The following RNASEH1 variants were observed in gnomAD, a reference collection of about 807,000 sequenced individuals.
RNASEH1 encodes ribonuclease H1.
A neutral mutation model predicts 34.6 loss-of-function variants in RNASEH1; 27 were observed. The ratio of observed to expected loss-of-function variants is 0.78; its 90% CI spans 0.58 to 1.08. The LOEUF (loss-of-function observed/expected upper bound fraction) is 1.08. Ranked by LOEUF, RNASEH1 falls within the 50% of genes least tolerant of loss-of-function variation. RNASEH1 has a pLI of 0.00. For synonymous variants in RNASEH1, 162 were observed against 138.4 expected, an observed-to-expected ratio of 1.17 and a Z score of -1.20; for missense variants, 349 against 373.6, an observed-to-expected ratio of 0.93 and a Z score of 0.54.
At chr2:3,537,658 C>T (rs538081005), downstream of RNASEH1, among the ~76,000 whole-genome samples, 2 of 151,552 alleles carry the variant, frequency 1.3e-5, no homozygotes, top group South Asian at 4.2e-4. Flanking sequence ...GAGGTGGAGG[C>T]TGCAGTAAGC....
chr2:3,543,247 C>G lies in RNASEH1; in HGVS notation c.*2538G>C, dbSNP rs1668446134. Among the ~76,000 whole-genome samples the G allele has an allele frequency of 6.6e-6, 1 of 152,178 alleles. No homozygotes were observed. The highest frequency in any genetic ancestry group is 2.4e-5 in the African/African-American group (1 of 41,446). On this transcript the variant is annotated 3_prime_UTR_variant, in exon 8 of 8. Coordinates refer to ENST00000315212, the MANE Select transcript of RNASEH1 (RefSeq NM_002936.6). ...CCCTTCCTGTGGCTATAAATAAATA[C>G]AGCCTGCACACAACGCACAGGAGAA...
Position 3,552,317 on chromosome 2 carries a change from CAA to C in RNASEH1, c.245-11_245-10del, listed in dbSNP as rs373975070. 548 of 1,612,134 alleles carry C rather than the reference CAA, an allele frequency of 3.4e-4. No individual in the cohort carries two copies. Among genetic ancestry groups the C allele is most frequent in the Non-Finnish European group, 4.1e-4 (483 of 1,179,398 alleles). On this transcript the variant is annotated splice_polypyrimidine_tract_variant and intron_variant, in intron 2 of 7. Transcript: ENST00000315212. Reference sequence around the variant, plus strand: ...ATGTTGATTTTCATGCCCTGAAAGACAAGAGTCCACTCGTGAGCTGGAAACAA... The same window carrying C: ...ATGTTGATTTTCATGCCCTGAAAGACGAGTCCACTCGTGAGCTGGAAACAA...
chr2:3,548,618 G>A (rs1453789050), intron 6 of RNASEH1, 22 bp downstream of exon 6: 1 of 1,500,632 alleles, frequency 6.7e-7, no homozygotes. Flanking sequence ...AAAAACAGAA[G>A]AAATCAAATG....
intron 7 of RNASEH1, among the ~76,000 whole-genome samples, chr2:3,547,552 A>C (rs146108074): frequency 0.19 from 28,628 of 150,144 alleles, 2,909 homozygotes; most frequent in African/African-American, 0.27. Context: ...CAGTGGCGCG[A>C]TCTCAGCTCA....
Position 3,543,450 on chromosome 2 carries a change from C to A in RNASEH1, c.*2335G>T, listed in dbSNP as rs115168476. Among the ~76,000 whole-genome samples, 1 of 151,964 alleles carries A rather than the reference C, an allele frequency of 6.6e-6. No individual in the cohort carries two copies. Among genetic ancestry groups the A allele is most frequent in the Non-Finnish European group, 1.5e-5 (1 of 67,992 alleles). On this transcript the variant is annotated 3_prime_UTR_variant, in exon 8 of 8. Coordinates refer to ENST00000315212, the MANE Select transcript of RNASEH1 (RefSeq NM_002936.6). ...CTGCAGGGAGCTATCAATGACTGTG[C>A]GTGTGGTCTGTGCACACATGTATGC...
chr2:3,555,998 C>T (rs1660455795), intron 2 of RNASEH1, among the ~76,000 whole-genome samples: 1 of 151,792 alleles, frequency 6.6e-6, no homozygotes, highest in Admixed American at 6.6e-5. Flanking sequence ...TGGTGAAATC[C>T]CATCTCTACT....
Position 3,558,163 on chromosome 2 carries a change from C to T in RNASEH1, c.98G>A (p.Arg33Lys), listed in dbSNP as rs1185964762. ...CAGAAAGACCCCGGTCTTGCGGCCC[C>T]TCCTCACGGCATAGAACATCCCGAA... The part of the protein sequence containing the change: ...RGFGMFYAVR[R>K]GRKTGVFLTW... The change falls in exon 1 of 8, where the codon AGG becomes AAG. Residue 33 changes from arginine to lysine, a missense_variant. Arg to Lys is a conservative substitution (Grantham distance 26). Transcript: ENST00000315212. 1.2e-6 allele frequency: 2 copies of T among 1,603,452 alleles called. No individual in the cohort carries two copies. The highest frequency in any genetic ancestry group is 1.7e-5 in the Admixed American group (1 of 58,728).
At chr2:3,558,059 C>A in intron 1 of RNASEH1, 74 bp downstream of exon 1, 2 of 1,491,972 alleles carry the variant, frequency 1.3e-6, no homozygotes, top group Non-Finnish European at 8.9e-7. Flanking sequence ...CTCCCGCCGC[C>A]GGGGTTAGCC....
At chr2:3,553,215 T>C (rs1252158851) in intron 2 of RNASEH1, among the ~76,000 whole-genome samples, 1 of 149,310 alleles carries the variant, frequency 6.7e-6, no homozygotes, top group Non-Finnish European at 1.5e-5. Context: ...GCCACTGCAC[T>C]CCAGCCTGGG....
intron 4 of RNASEH1, among the ~76,000 whole-genome samples, chr2:3,549,389 G>A (rs925855421): frequency 2.6e-5 from 4 of 152,130 alleles, no homozygotes; most frequent in Admixed American, 1.3e-4. Context: ...AAGAATCCCA[G>A]GAGAAAACTC....
chr2:3,540,447 T>G (rs1668234600), downstream of RNASEH1, among the ~76,000 whole-genome samples: 1 of 152,180 alleles, frequency 6.6e-6, no homozygotes, highest in Non-Finnish European at 1.5e-5. Context: ...CTCACTCTAT[T>G]GCCCAGGCTG....
intron 7 of RNASEH1, among the ~76,000 whole-genome samples, chr2:3,546,507 T>G (rs1211202886): frequency 2.0e-5 from 3 of 152,218 alleles, no homozygotes; most frequent in Non-Finnish European, 4.4e-5. Flanking sequence ...CAAAATACAC[T>G]GATAGTTTTA....
downstream of RNASEH1, among the ~76,000 whole-genome samples, chr2:3,538,794 G>A (rs1225873352): frequency 6.6e-6 from 1 of 152,176 alleles, no homozygotes; most frequent in Non-Finnish European, 1.5e-5. Flanking sequence ...GTAATTCTGA[G>A]AGTGGGCCAC....
At chr2:3,550,057 C>T (rs1351678658) in intron 4 of RNASEH1, 8 of 262,916 alleles carry the variant, frequency 3.0e-5, no homozygotes, top group South Asian at 2.5e-4. Flanking sequence ...GTGGGAGGAT[C>T]GCTTGAGCCC....
chr2:3,550,035 T>TGGGAGGCCAAGGTGGGAGGATCGC (rs1189097164), intron 4 of RNASEH1: 1 of 247,478 alleles, frequency 4.0e-6, no homozygotes, highest in Non-Finnish European at 7.9e-6. Flanking sequence ...CCCAACAGTT[T>TGGGAGGCCAAGGTGGGAGGATCGC]GGGAGGCCAA....
At chr2:3,540,229 A>G (rs1250363237), downstream of RNASEH1, among the ~76,000 whole-genome samples, 1 of 152,210 alleles carries the variant, frequency 6.6e-6, no homozygotes, top group African/African-American at 2.4e-5. Context: ...TGAAGATGCA[A>G]TTATATATCA....
Position 3,550,456 on chromosome 2 carries a change from G to A in RNASEH1, c.426C>T (p.Val142=), listed in dbSNP as rs762903646. The change falls in exon 4 of 8, where the codon GTC becomes GTT. Residue 142 remains valine, a synonymous_variant. Transcript: ENST00000315212. ...TFSYMGDFVV[V]YTDGCCSSNG... is the part of the protein sequence containing the mutation. ...TACTGGAGCAGCAGCCATCAGTGTAGACGACGACGAAGTCTCCTGTGGGAA... is the reference window on the plus strand; with the variant it reads ...TACTGGAGCAGCAGCCATCAGTGTAAACGACGACGAAGTCTCCTGTGGGAA... The A allele has an allele frequency of 3.1e-6, 5 of 1,613,298 alleles. No individual in the cohort carries two copies. In the South Asian group the frequency reaches 3.3e-5, roughly 11 times the overall value.
chr2:3,557,863 T>C (rs951674327), intron 1 of RNASEH1: 2 of 1,461,834 alleles, frequency 1.4e-6, no homozygotes, highest in African/African-American at 1.4e-5. Flanking sequence ...AGATGGAGGA[T>C]TAAACACAGG....
chr2:3,550,560 T>C (rs1232556416), intron 3 of RNASEH1, 88 bp from the exon 4 acceptor site: 1 of 987,136 alleles, frequency 1.0e-6, no homozygotes, highest in African/African-American at 1.6e-5. Flanking sequence ...ACTTAGCATT[T>C]TAAACCGAGA....
Sources: allele counts gnomAD v4.1 joint callset (sites outside exome capture counted in the v4.1 genomes callset), GRCh38; gene constraint gnomAD v4.1.1; transcripts MANE v1.5; gene names NCBI Gene and HGNC (gene_info 2026-07-23, HGNC 2026-07-21).